Variants in GGT1 observed in about 807,000 individuals in gnomAD.
GGT1 encodes the protein glutathione hydrolase 1 proenzyme.
A neutral mutation model predicts 56.0 loss-of-function variants in GGT1; 21 were observed. That is an observed-to-expected ratio of 0.38 (90% CI 0.27 to 0.54). The LOEUF is 0.54. Ranked by LOEUF, GGT1 falls within the 20% of genes least tolerant of loss-of-function variation. The pLI is 0.82. For synonymous variants in GGT1, 238 were observed against 342.6 expected (o/e 0.69, Z 3.37); for missense variants, 466 against 787.0 (o/e 0.59, Z 4.88).
chr22:24,606,855 G>A (rs1372787831), intron 1 of GGT1, among the ~76,000 whole-genome samples: 1 of 151,858 alleles, frequency 6.6e-6, no homozygotes, highest in East Asian at 1.9e-4. Context: ...ATAGACCTCA[G>A]GTGGAGGCTG....
chr22:24,619,592 C>G (rs2047284986), intron 7 of GGT1, among the ~76,000 whole-genome samples: 1 of 151,126 alleles, frequency 6.6e-6, no homozygotes, highest in Non-Finnish European at 1.5e-5. Flanking sequence ...AAACAAAAAC[C>G]CTTATAGTTG....
At chr22:24,586,323 T>C in the GGT1 span, 16 of 1,613,870 alleles carry the variant, frequency 9.9e-6, no homozygotes, top group African/African-American at 4.0e-5. Context: ...TAGCGTGTGA[T>C]GTGTTGCACG....
At chr22:24,588,325 T>C in the GGT1 span, 22 of 1,610,354 alleles carry the variant, frequency 1.4e-5, no homozygotes, top group Non-Finnish European at 1.7e-5. Flanking sequence ...CCAGAGCTCA[T>C]AGTCCTGTGG....
the GGT1 span, chr22:24,589,239 G>A: frequency 7.9e-7 from 1 of 1,266,724 alleles, no homozygotes; most frequent in South Asian, 1.3e-5. Context: ...ACATCTGCAG[G>A]TGCTGTCAGC....
chr22:24,592,318 G>A, upstream of GGT1: 1 of 470,266 alleles, frequency 2.1e-6, no homozygotes, highest in South Asian at 1.5e-5. Flanking sequence ...TGGAGAACTG[G>A]TGATGCATGG....
At chr22:24,612,889 G>A (rs865927165) in intron 5 of GGT1, among the ~76,000 whole-genome samples, 2 of 151,990 alleles carry the variant, frequency 1.3e-5, no homozygotes, top group Non-Finnish European at 2.9e-5. Flanking sequence ...ATAGGGGAGC[G>A]ATCATAGCCC....
Position 24,627,426 on chromosome 22 carries a change from C to T in GGT1, c.1021-6C>T, listed in dbSNP as rs760132036. 131 of 1,388,834 alleles carry T rather than the reference C, an allele frequency of 9.4e-5. No homozygotes were observed. Among genetic ancestry groups the T allele is most frequent in the Middle Eastern group, 3.0e-4 (1 of 3,286 alleles). 86.0% of individuals were successfully genotyped at this position (1,388,834 alleles called of 1,614,324 possible). On this transcript the variant is annotated splice_polypyrimidine_tract_variant and splice_region_variant and intron_variant, in intron 11 of 15. Coordinates refer to ENST00000400382, the MANE Select transcript of GGT1 (RefSeq NM_001288833.2). ...CCTCCTCAGGCCAGCTCTGGGGTCTCGGCAGGTGGTCCGCAACATGACCTC... is the reference window on the plus strand; with the variant it reads ...CCTCCTCAGGCCAGCTCTGGGGTCTTGGCAGGTGGTCCGCAACATGACCTC...
In GGT1 at chr22:24,627,365, C is replaced by T. The variant is rs60762015; in HGVS notation, c.1021-67C>T. Reference sequence around the variant, plus strand: ...GGTCAGAGTCACAGTCAAGGGCCTTCTGAGACCTGTGCCCCCTCCCCACCC... The same window carrying T: ...GGTCAGAGTCACAGTCAAGGGCCTTTTGAGACCTGTGCCCCCTCCCCACCC... On this transcript the variant is annotated intron_variant, in intron 11 of 15. Transcript: ENST00000400382. 1.9e-3 allele frequency: 2,792 copies of T among 1,479,258 alleles called. 21 individuals carry two copies. Among genetic ancestry groups the T allele is most frequent in the South Asian group, 5.8e-3 (479 of 83,198 alleles). The allele number at this position is 1,479,258 out of a possible 1,614,324, so 91.6% of individuals were successfully genotyped here. A position where few individuals can be genotyped will look rare whatever the true frequency, so the allele number is the denominator to read the frequency against.
upstream of GGT1, among the ~76,000 whole-genome samples, chr22:24,590,339 C>T (rs1436906789): frequency 6.6e-6 from 1 of 152,104 alleles, no homozygotes; most frequent in Non-Finnish European, 1.5e-5. Context: ...ACTATGTTGC[C>T]CAGACTGGTC....
chr22:24,614,626 A>C (rs369397976), intron 5 of GGT1, 150 bp from the exon 6 acceptor site: 1 of 717,698 alleles, frequency 1.4e-6, no homozygotes, highest in African/African-American at 1.8e-5. Flanking sequence ...AAAAAAAAAA[A>C]AAAAAGAAAG....
At chr22:24,599,669 G>C (rs1181026554), upstream of GGT1, among the ~76,000 whole-genome samples, 5 of 152,288 alleles carry the variant, frequency 3.3e-5, no homozygotes, top group East Asian at 5.8e-4. Context: ...CTGCTCTGGT[G>C]GCAGTTGCTT....
At position 24,615,144 on chromosome 22, in the gene GGT1, A is replaced by C; in HGVS notation, c.382+17A>C. 1.3e-6 allele frequency: 2 copies of C among 1,593,578 alleles called. No homozygotes were observed. The highest frequency in any genetic ancestry group is 1.7e-6 in the Non-Finnish European group (2 of 1,163,538). ...CCCAGAAGGGTAAGCCATGCGGCAG[A>C]CTTGGGGCGTGGGTGCAGAGCTGGC... On this transcript the variant is annotated intron_variant, in intron 7 of 15. Transcript: ENST00000400382.
chr22:24,590,353 A>G (rs574390087), upstream of GGT1, among the ~76,000 whole-genome samples: 2 of 152,148 alleles, frequency 1.3e-5, no homozygotes, highest in Non-Finnish European at 2.9e-5. Flanking sequence ...ACTGGTCTCA[A>G]ACTCCTGGGC....
At chr22:24,592,933 C>T, upstream of GGT1, 1 of 1,239,172 alleles carries the variant, frequency 8.1e-7, no homozygotes, top group South Asian at 3.0e-5. Flanking sequence ...CTGGATCTCG[C>T]GGAGCCACCG....
At chr22:24,586,512 G>C in the GGT1 span, 4 of 1,244,780 alleles carry the variant, frequency 3.2e-6, no homozygotes, top group Non-Finnish European at 4.5e-6. Flanking sequence ...CTACAGTCTG[G>C]CAAAGCCAGA....
intron 10 of GGT1, 67 bp from the exon 11 acceptor site, chr22:24,623,713 T>A (rs901349287): frequency 7.0e-7 from 1 of 1,437,588 alleles, no homozygotes; most frequent in Admixed American, 1.8e-5. Flanking sequence ...CTCAGGCAGG[T>A]GTTAACCCTC....
At chr22:24,591,794 T>G (rs2045574748), upstream of GGT1, among the ~76,000 whole-genome samples, 1 of 152,256 alleles carries the variant, frequency 6.6e-6, no homozygotes, top group Non-Finnish European at 1.5e-5. Flanking sequence ...GGAGGAAGGC[T>G]GGCTGATGAG....
chr22:24,610,326 G>A lies in GGT1; in HGVS notation c.-213G>A, dbSNP rs1242220458. ...AGTCCCCCAGAAAGGTCTGGGCTGC[G>A]CGTGCTTCAGGTAACCTCCCTTGAC... On this transcript the variant is annotated 5_prime_UTR_variant, in exon 4 of 16. Transcript: ENST00000400382. 2.7e-5 allele frequency: 7 copies of A among 262,396 alleles called. No individual in the cohort carries two copies. Among genetic ancestry groups the A allele is most frequent in the African/African-American group, 9.2e-5 (4 of 43,656 alleles). 16.3% of individuals were successfully genotyped at this position (262,396 alleles called of 1,614,324 possible). A position where few individuals can be genotyped will look rare whatever the true frequency, so the allele number is the denominator to read the frequency against.
Position 24,625,424 on chromosome 22 carries a change from C to T in GGT1, c.1020+1508C>T, listed in dbSNP as rs1601761883. Among the ~76,000 whole-genome samples the T allele has an allele frequency of 2.0e-5, 3 of 152,290 alleles. No homozygotes were observed. In the Middle Eastern group the frequency reaches 0.01, roughly 518 times the overall value. On this transcript the variant is annotated intron_variant, in intron 11 of 15. Coordinates refer to ENST00000400382, the MANE Select transcript of GGT1 (RefSeq NM_001288833.2). ...GAACAGCTGGGACCAGAGGCACGTG[C>T]CACCAAACCTGGATAATTTTTGTAT...
Sources: gnomAD v4.1 joint callset for allele counts (sites outside exome capture counted in the v4.1 genomes callset) on GRCh38, gnomAD v4.1.1 for gene constraint, MANE v1.5 for transcripts, NCBI Gene and HGNC (gene_info 2026-07-23, HGNC 2026-07-21) for gene names.